Variants in GOLGA5 observed in about 807,000 individuals in gnomAD.
GOLGA5 encodes the protein golgin subfamily A member 5.
Under a neutral mutation model 93.5 loss-of-function variants are expected in GOLGA5, and 50 were observed. The ratio of observed to expected loss-of-function variants is 0.53; its 90% CI spans 0.43 to 0.68. The LOEUF (loss-of-function observed/expected upper bound fraction) is 0.68. Ranked by LOEUF, GOLGA5 falls within the 30% of genes least tolerant of loss-of-function variation. The pLI, the probability that GOLGA5 is intolerant of heterozygous loss-of-function variation, is 0.00. For synonymous variants in GOLGA5, 312 were observed against 304.5 expected, an observed-to-expected ratio of 1.02 and a Z score of -0.26; for missense variants, 760 against 856.4, an observed-to-expected ratio of 0.89 and a Z score of 1.40.
intron 8 of GOLGA5, among the ~76,000 whole-genome samples, chr14:92,822,903 C>A (rs1010665426): frequency 2.6e-5 from 4 of 152,140 alleles, no homozygotes; most frequent in Non-Finnish European, 5.9e-5. Context: ...AAGTGATCCA[C>A]CTGCCTCAGC....
chr14:92,836,724 A>G (rs142579356), intron 11 of GOLGA5, among the ~76,000 whole-genome samples: 2 of 152,246 alleles, frequency 1.3e-5, no homozygotes, highest in African/African-American at 2.4e-5. Flanking sequence ...CCCCAGTCAC[A>G]TAGTTGACAC....
chr14:92,821,796 G>A (rs553840917), intron 8 of GOLGA5, among the ~76,000 whole-genome samples: 2 of 152,264 alleles, frequency 1.3e-5, no homozygotes, highest in African/African-American at 4.8e-5. Flanking sequence ...GTATGTCATA[G>A]GCAGTTTTAG....
chr14:92,834,528 T>G (rs1047645224), intron 10 of GOLGA5, among the ~76,000 whole-genome samples: 9 of 152,082 alleles, frequency 5.9e-5, no homozygotes, highest in African/African-American at 2.2e-4. Context: ...AAAAAAGTGT[T>G]CCAGGCAGAA....
At chr14:92,797,233 C>A (rs1884754682) in intron 1 of GOLGA5, among the ~76,000 whole-genome samples, 175 bp from the exon 2 acceptor site, 2 of 152,056 alleles carry the variant, frequency 1.3e-5, no homozygotes, top group South Asian at 2.1e-4. Context: ...CTTTCCCCCC[C>A]ATTTTCTAGA....
chr14:92,835,938 T>TATACGGG (rs200628174), intron 11 of GOLGA5, among the ~76,000 whole-genome samples: 1 of 151,926 alleles, frequency 6.6e-6, no homozygotes, highest in Non-Finnish European at 1.5e-5. Flanking sequence ...TAACCCTGAC[T>TATACGGG]GTATCTCTTT....
At chr14:92,810,814 A>G (rs149682837) in intron 5 of GOLGA5, 3 of 156,364 alleles carry the variant, frequency 1.9e-5, no homozygotes, top group South Asian at 2.0e-4. Context: ...AGCCCTGTCT[A>G]CACGTGGGAA....
At chr14:92,808,699 T>TG (rs770571446) in intron 3 of GOLGA5, among the ~76,000 whole-genome samples, 488 of 15,704 alleles carry the variant, frequency 0.031, 1 homozygote, top group Admixed American at 0.067. Context: ...TGTGTCTCAC[T>TG]GGAAAAAAAA....
Position 92,837,339 on chromosome 14 carries a change from C to T in GOLGA5, c.2052-47C>T, listed in dbSNP as rs566251871. On this transcript the variant is annotated intron_variant, in intron 11 of 12. Transcript: ENST00000163416. ...ATTACCACAGGAAGATTTGTTTTGA[C>T]TGTGACTCTTCTCTCTCCTCTCCCC... The T allele has an allele frequency of 8.9e-6, 8 of 898,228 alleles. No individual in the cohort carries two copies. In the Admixed American group the frequency reaches 1.5e-4, roughly 17 times the overall value. The allele number at this position is 898,228 out of a possible 1,614,324, so 55.6% of individuals were successfully genotyped here. A position where few individuals can be genotyped will look rare whatever the true frequency, so the allele number is the denominator to read the frequency against.
intron 2 of GOLGA5, among the ~76,000 whole-genome samples, chr14:92,804,954 C>T (rs1884952991): frequency 6.6e-6 from 1 of 152,198 alleles, no homozygotes; most frequent in Non-Finnish European, 1.5e-5. Context: ...CCAACACTCC[C>T]ATTTTTAAGT....
At position 92,797,506 on chromosome 14, in the gene GOLGA5, A is replaced by C; in HGVS notation, c.69A>C (p.Ala23=). Residue 23 remains alanine (A), a synonymous_variant, in exon 2 of 13, where the codon GCA becomes GCC. Coordinates refer to ENST00000163416, the MANE Select transcript of GOLGA5 (RefSeq NM_005113.4). ...TAAACCGAGTTGATCAAGGGGCTGC[A>C]ACAGCTCTCAGTAGGAAAGACAATG... ...DLLNRVDQGA[A]TALSRKDNAS... 1 of 1,613,612 alleles carries C rather than the reference A, an allele frequency of 6.2e-7. No individual in the cohort carries two copies. The highest frequency in any genetic ancestry group is 8.5e-7 in the Non-Finnish European group (1 of 1,179,538).
At chr14:92,807,015 TA>T (rs1885001797) in intron 3 of GOLGA5, 52 bp downstream of exon 3, 1 of 1,285,688 alleles carries the variant, frequency 7.8e-7, no homozygotes, top group Non-Finnish European at 1.1e-6. Context: ...AAAATAAACT[TA>T]AGGCTGGACG....
intron 11 of GOLGA5, among the ~76,000 whole-genome samples, chr14:92,836,080 A>G (rs1885635460): frequency 6.6e-6 from 1 of 152,190 alleles, no homozygotes; most frequent in South Asian, 2.1e-4. Flanking sequence ...AGATGCTACT[A>G]TATATAGCTG....
At chr14:92,836,300 A>C (rs10148470) in intron 11 of GOLGA5, among the ~76,000 whole-genome samples, 12,361 of 152,252 alleles carry the variant, frequency 0.081, 1,686 homozygotes, top group African/African-American at 0.28. Flanking sequence ...ATTGTGGCAT[A>C]ATAATCTTTT....
intron 2 of GOLGA5, among the ~76,000 whole-genome samples, chr14:92,799,563 C>T (rs1171807060): frequency 6.6e-6 from 1 of 150,806 alleles, no homozygotes; most frequent in African/African-American, 2.4e-5. Flanking sequence ...GGATTACAGG[C>T]GTGAGCCACT....
rs1472142937 is a variant in GOLGA5 at position 92,833,356 on chromosome 14, A to T, written c.1945+9A>T. On this transcript the variant is annotated intron_variant, in intron 10 of 12. Coordinates refer to ENST00000163416, the MANE Select transcript of GOLGA5 (RefSeq NM_005113.4). ...AATTGACAATGGTGAAGGTAATCAAAAAAGGAATCTCAAAAGAACATTTCA... is the reference window on the plus strand; with the variant it reads ...AATTGACAATGGTGAAGGTAATCAATAAAGGAATCTCAAAAGAACATTTCA... 3.3e-6 allele frequency: 5 copies of T among 1,497,344 alleles called. No homozygotes were observed. The African/African-American group carries it at 6.9e-5, about 21-fold the overall frequency. The allele number at this position is 1,497,344 out of a possible 1,614,324, so 92.8% of individuals were successfully genotyped here. A position where few individuals can be genotyped will look rare whatever the true frequency, so the allele number is the denominator to read the frequency against.
At chr14:92,825,793 C>G (rs1197769674) in intron 9 of GOLGA5, among the ~76,000 whole-genome samples, 1 of 146,520 alleles carries the variant, frequency 6.8e-6, no homozygotes, top group African/African-American at 2.5e-5. Context: ...GAGGTCAAGG[C>G]TGCAGTGAGC....
At chr14:92,832,297 G>A (rs577373871) in intron 9 of GOLGA5, among the ~76,000 whole-genome samples, 1 of 152,152 alleles carries the variant, frequency 6.6e-6, no homozygotes, top group Non-Finnish European at 1.5e-5. Flanking sequence ...ATTTGTTGTG[G>A]TGTACTTAAT....
intron 9 of GOLGA5, among the ~76,000 whole-genome samples, chr14:92,828,651 TAATTA>T (rs1298229601): frequency 6.6e-6 from 1 of 152,210 alleles, no homozygotes; most frequent in African/African-American, 2.4e-5. Flanking sequence ...TCTCATTATT[TAATTA>T]AATTAATTAA....
At chr14:92,807,401 T>G (rs1885012190) in intron 3 of GOLGA5, among the ~76,000 whole-genome samples, 1 of 152,230 alleles carries the variant, frequency 6.6e-6, no homozygotes, top group African/African-American at 2.4e-5. Flanking sequence ...ATGCGACTTG[T>G]AAAATGATAT....
Sources: gnomAD v4.1 joint callset for allele counts (sites outside exome capture counted in the v4.1 genomes callset) on GRCh38, gnomAD v4.1.1 for gene constraint, MANE v1.5 for transcripts, NCBI Gene and HGNC (gene_info 2026-07-23, HGNC 2026-07-21) for gene names.